DPP10: variants seen among roughly 807,000 people sequenced by gnomAD.
DPP10 encodes dipeptidyl peptidase like 10.
Under a neutral mutation model 120.9 loss-of-function variants are expected in DPP10, and 33 were observed. The ratio of observed to expected loss-of-function variants is 0.27; its 90% CI spans 0.21 to 0.37. DPP10 has a LOEUF of 0.37. Among genes scored for constraint, DPP10 ranks in the 10% least tolerant of loss-of-function variants. The pLI, the probability that DPP10 is intolerant of heterozygous loss-of-function variation, is 1.00. For missense variants in DPP10, 816 were observed against 942.8 expected, an observed-to-expected ratio of 0.87 and a Z score of 1.76; for synonymous variants, 337 against 326.1, an observed-to-expected ratio of 1.03 and a Z score of -0.36.
chr2:115,529,666 T>C (rs947921210), intron 5 of DPP10, among the ~76,000 whole-genome samples: 3 of 152,118 alleles, frequency 2.0e-5, no homozygotes, highest in Non-Finnish European at 4.4e-5. Flanking sequence ...TAAAAAATGA[T>C]CAATTATTAA....
In DPP10 at chr2:115,104,170, C is replaced by CTTTT. The variant is rs35125894; in HGVS notation, c.61-205048_61-205045dup. Among the ~76,000 whole-genome samples, 179 of 84,650 alleles carry CTTTT rather than the reference C, an allele frequency of 2.1e-3. 1 individual carries two copies. Among genetic ancestry groups the CTTTT allele is most frequent in the Non-Finnish European group, 2.4e-3 (111 of 46,942 alleles). 55.5% of individuals were successfully genotyped at this position (84,650 alleles called of 152,430 possible). On this transcript the variant is annotated intron_variant, in intron 1 of 25. Coordinates refer to ENST00000410059, the MANE Select transcript of DPP10 (RefSeq NM_020868.6). ...TTTGGAGCATGTCAAATACATATGT[C>CTTTT]TTTTTTTTTTTTTTTTTTTTTTTTG...
At chr2:114,508,391 T>A (rs1683856616) in intron 1 of DPP10, among the ~76,000 whole-genome samples, 2 of 152,222 alleles carry the variant, frequency 1.3e-5, no homozygotes, top group Non-Finnish European at 2.9e-5. Context: ...CTTAGCATAC[T>A]TTTTGTGATT....
intron 5 of DPP10, among the ~76,000 whole-genome samples, chr2:115,530,226 GTATAT>G (rs2078378688): frequency 6.6e-6 from 1 of 151,920 alleles, no homozygotes. Flanking sequence ...TTGCTGGGCT[GTATAT>G]TATAGGGTGT....
chr2:115,201,317 G>T (rs563799704), intron 1 of DPP10, among the ~76,000 whole-genome samples: 20 of 152,188 alleles, frequency 1.3e-4, no homozygotes, highest in Non-Finnish European at 2.5e-4. Context: ...ACAAAAATTA[G>T]CCGAATGTGG....
chr2:115,385,867 C>A (rs978399339), intron 3 of DPP10, among the ~76,000 whole-genome samples: 5 of 152,158 alleles, frequency 3.3e-5, no homozygotes, highest in African/African-American at 4.8e-5. Context: ...AAAGGTATCA[C>A]ATCTTTCCAC....
chr2:114,507,049 T>C (rs1049584502), intron 1 of DPP10, among the ~76,000 whole-genome samples: 3 of 149,232 alleles, frequency 2.0e-5, no homozygotes, highest in Non-Finnish European at 3.0e-5. Flanking sequence ...TCTTTTTTTT[T>C]CTTTTTTTTT....
intron 1 of DPP10, among the ~76,000 whole-genome samples, chr2:114,466,027 ACT>A (rs1394157421): frequency 2.6e-5 from 4 of 151,978 alleles, no homozygotes; most frequent in Admixed American, 2.6e-4. Context: ...TCACTATTCC[ACT>A]CTCTACTTCT....
chr2:114,974,245 T>A (rs1699598186), intron 1 of DPP10, among the ~76,000 whole-genome samples: 1 of 152,168 alleles, frequency 6.6e-6, no homozygotes, highest in Admixed American at 6.5e-5. Context: ...GTTTGCCTTT[T>A]ACAGTACTTT....
intron 21 of DPP10, among the ~76,000 whole-genome samples, chr2:115,819,792 G>A (rs373594778): frequency 8.6e-5 from 13 of 152,038 alleles, no homozygotes; most frequent in African/African-American, 2.7e-4. Flanking sequence ...TTGGGAGTTC[G>A]AGACCATCCT....
intron 2 of DPP10, among the ~76,000 whole-genome samples, chr2:115,315,749 G>C (rs143001004): frequency 3.3e-3 from 505 of 152,088 alleles, no homozygotes; most frequent in Admixed American, 5.5e-3. Flanking sequence ...TTCAACAACA[G>C]CACAGATTGA....
At chr2:115,078,164 T>C (rs930081422) in intron 1 of DPP10, among the ~76,000 whole-genome samples, 4 of 152,198 alleles carry the variant, frequency 2.6e-5, no homozygotes, top group African/African-American at 9.6e-5. Flanking sequence ...AAGGTAACAG[T>C]TTATTTTTAA....
chr2:114,725,949 T>C (rs140308185), intron 1 of DPP10, among the ~76,000 whole-genome samples: 465 of 152,278 alleles, frequency 3.1e-3, no homozygotes, highest in Non-Finnish European at 4.9e-3. Flanking sequence ...AGTTCTTCTA[T>C]AGGCTGGGTG....
rs1279256062 is a variant in DPP10, at chr2:115,844,100, C to T, written c.*1755C>T. ...GAGAGGCTTTCTCTTCTGAAAGATC[C>T]ATTTTAGGTCTTTTTCAAGAATAGT... On this transcript the variant is annotated 3_prime_UTR_variant, in exon 26 of 26. Coordinates refer to ENST00000410059, the MANE Select transcript of DPP10 (RefSeq NM_020868.6). 1 of 152,506 alleles carries T rather than the reference C, an allele frequency of 6.6e-6. No homozygotes were observed. Among genetic ancestry groups the T allele is most frequent in the Non-Finnish European group, 1.5e-5 (1 of 67,982 alleles). 9.4% of individuals were successfully genotyped at this position (152,506 alleles called of 1,614,324 possible).
At chr2:115,408,266 T>G (rs2068679880) in intron 3 of DPP10, among the ~76,000 whole-genome samples, 1 of 152,098 alleles carries the variant, frequency 6.6e-6, no homozygotes, top group South Asian at 2.1e-4. Context: ...TCCTCCGCCC[T>G]GCAAATGGTA....
intron 1 of DPP10, among the ~76,000 whole-genome samples, chr2:114,883,771 GATGGCCTC>G (rs1240214816): frequency 3.9e-5 from 6 of 152,300 alleles, no homozygotes; most frequent in Middle Eastern, 3.4e-3. Flanking sequence ...TGGGTTCTGA[GATGGCCTC>G]ACTCACAGGT....
intron 2 of DPP10, among the ~76,000 whole-genome samples, chr2:115,333,078 A>G (rs1048239007): frequency 6.6e-6 from 1 of 151,346 alleles, no homozygotes; most frequent in Non-Finnish European, 1.5e-5. Context: ...GTAGATCTCT[A>G]AGGACTTGCT....
intron 3 of DPP10, among the ~76,000 whole-genome samples, chr2:115,361,460 AATGGACAAGGGG>A (rs1241551019): frequency 6.6e-6 from 1 of 151,994 alleles, no homozygotes; most frequent in African/African-American, 2.4e-5. Flanking sequence ...GAGGGTGGTC[AATGGACAAGGGG>A]ATGTGCAGAC....
At position 115,251,318 on chromosome 2, in the gene DPP10, T is replaced by C. The variant is rs180800129; in HGVS notation, c.61-57921T>C. 8.5e-5 allele frequency among the ~76,000 whole-genome samples: 13 copies of C among 152,304 alleles called. No homozygotes were observed. The East Asian group carries it at 1.7e-3, about 20-fold the overall frequency. On this transcript the variant is annotated intron_variant, in intron 1 of 25. Coordinates refer to ENST00000410059, the MANE Select transcript of DPP10 (RefSeq NM_020868.6). ...AGCATATTGAGATTGAGGCTGTCAC[T>C]GCCAAACATAGCACCTCTCTTTGTG...
chr2:115,318,924 C>T (rs1357996787), intron 2 of DPP10, among the ~76,000 whole-genome samples: 2 of 152,008 alleles, frequency 1.3e-5, no homozygotes, highest in East Asian at 1.9e-4. Flanking sequence ...TGTCTAGTTA[C>T]TCTGGCTAGA....
Sources: gnomAD v4.1 joint callset for allele counts (sites outside exome capture counted in the v4.1 genomes callset) on GRCh38, gnomAD v4.1.1 for gene constraint, MANE v1.5 for transcripts, NCBI Gene and HGNC (gene_info 2026-07-23, HGNC 2026-07-21) for gene names.